Variants in ADGRL3 observed in about 807,000 individuals in gnomAD.
The protein encoded by ADGRL3 is calcium-independent alpha-latrotoxin receptor 3.
Under a neutral mutation model 153.5 loss-of-function variants are expected in ADGRL3, and 62 were observed. The observed-to-expected ratio is 0.40, with a 90% CI of 0.33 to 0.50. The LOEUF is 0.50. Ranked by LOEUF, ADGRL3 falls within the 20% of genes least tolerant of loss-of-function variation. The pLI is 0.47. For synonymous variants in ADGRL3, 710 were observed against 672.5 expected, an observed-to-expected ratio of 1.06 and a Z score of -0.86; for missense variants, 1,641 against 1,859.4, an observed-to-expected ratio of 0.88 and a Z score of 2.16.
intron 7 of ADGRL3, among the ~76,000 whole-genome samples, chr4:61,730,963 G>A (rs538520874): frequency 6.6e-6 from 1 of 151,854 alleles, no homozygotes; most frequent in Non-Finnish European, 1.5e-5. Flanking sequence ...CATAGCTCTG[G>A]CATGGTTTCC....
At chr4:61,317,544 C>T (rs1340438361) in intron 1 of ADGRL3, among the ~76,000 whole-genome samples, 1 of 152,120 alleles carries the variant, frequency 6.6e-6, no homozygotes, top group Non-Finnish European at 1.5e-5. Flanking sequence ...ATTTCTTTCT[C>T]CTTCTTGTGT....
rs113254082 is a variant in ADGRL3, at chr4:61,608,349, T to G, written c.473+20909T>G. On this transcript the variant is annotated intron_variant, in intron 5 of 26. Coordinates refer to ENST00000683033, the MANE Select transcript of ADGRL3 (RefSeq NM_001387552.1). ...AGCATAAACACTGTTCATATTAATT[T>G]ACTGTAAAATGCTAAAGACTATTTC... is the stretch of plus-strand genomic sequence containing the variant. Among the ~76,000 whole-genome samples, 14 of 152,352 alleles carry G rather than the reference T, an allele frequency of 9.2e-5. 1 individual carries two copies. Among genetic ancestry groups the G allele is most frequent in the African/African-American group, 3.1e-4 (13 of 41,586 alleles).
intron 8 of ADGRL3, among the ~76,000 whole-genome samples, chr4:61,793,247 AC>A (rs2097366458): frequency 6.6e-6 from 1 of 151,934 alleles, no homozygotes; most frequent in East Asian, 1.9e-4. Flanking sequence ...ACATGGTGAA[AC>A]CCCGTCTCTA....
chr4:61,566,286 A>C (rs2149056618), intron 4 of ADGRL3, among the ~76,000 whole-genome samples: 1 of 152,248 alleles, frequency 6.6e-6, no homozygotes, highest in East Asian at 1.9e-4. Context: ...GTCTGTGTCG[A>C]GATTTCCCCA....
At chr4:61,896,248 G>T (rs1206369352) in intron 11 of ADGRL3, among the ~76,000 whole-genome samples, 2 of 151,278 alleles carry the variant, frequency 1.3e-5, no homozygotes, top group Non-Finnish European at 2.9e-5. Flanking sequence ...ATTTATCAAT[G>T]ATAAAAATAT....
In ADGRL3 at chr4:61,360,903, G is replaced by T. The variant is rs1439693753; in HGVS notation, c.-239-22221G>T. Among the ~76,000 whole-genome samples, 4 of 152,172 alleles carry T rather than the reference G, an allele frequency of 2.6e-5. No homozygotes were observed. In the East Asian group the frequency reaches 7.7e-4, roughly 29 times the overall value. Reference sequence around the variant, plus strand: ...ACATTCTTTAAGTAAGCATGTGTCTGTGTTGTCTCACTTAGTCTTCAAAAC... The same window carrying T: ...ACATTCTTTAAGTAAGCATGTGTCTTTGTTGTCTCACTTAGTCTTCAAAAC... On this transcript the variant is annotated intron_variant, in intron 1 of 26. Coordinates refer to ENST00000683033, the MANE Select transcript of ADGRL3 (RefSeq NM_001387552.1).
chr4:61,655,076 G>T (rs559793321), intron 5 of ADGRL3, among the ~76,000 whole-genome samples: 18 of 152,126 alleles, frequency 1.2e-4, no homozygotes, highest in South Asian at 8.3e-4. Context: ...ACTATCAGCT[G>T]TATTAAAATA....
chr4:61,797,835 T>G (rs1294985940), intron 8 of ADGRL3, among the ~76,000 whole-genome samples: 1 of 152,200 alleles, frequency 6.6e-6, no homozygotes, highest in Non-Finnish European at 1.5e-5. Context: ...AGGATCTATG[T>G]CATTATCAAT....
In ADGRL3 at chr4:62,044,519, G is replaced by A. The variant is rs760999400; in HGVS notation, c.3784G>A (p.Asp1262Asn). The A allele has an allele frequency of 5.0e-6, 8 of 1,594,522 alleles. No homozygotes were observed. In the South Asian group the frequency reaches 9.1e-5, roughly 18 times the overall value. Residue 1262 changes from aspartate to asparagine, a missense_variant, in exon 25 of 27, where the codon GAC becomes AAC. Coordinates refer to ENST00000683033, the MANE Select transcript of ADGRL3 (RefSeq NM_001387552.1). ...GTCAGAGTCTTCCTTTATTACTGGA[G>A]ACATAAACAGTTCAGCGTCACTCAA... Reference protein sequence around the residue: ...KQSESSFITGDINSSASLNRE... With the variant: ...KQSESSFITGNINSSASLNRE...
intron 5 of ADGRL3, among the ~76,000 whole-genome samples, chr4:61,645,299 T>G (rs1477524483): frequency 2.0e-5 from 3 of 151,910 alleles, no homozygotes; most frequent in East Asian, 1.9e-4. Context: ...AAAGTTAATA[T>G]TGTTATGTGT....
intron 2 of ADGRL3, among the ~76,000 whole-genome samples, chr4:61,412,007 G>T (rs1024580205): frequency 6.6e-6 from 1 of 152,088 alleles, no homozygotes; most frequent in Non-Finnish European, 1.5e-5. Context: ...TTGAATTCTG[G>T]ATATTACATC....
intron 15 of ADGRL3, among the ~76,000 whole-genome samples, chr4:61,937,216 A>G (rs1009988249): frequency 6.6e-6 from 1 of 152,024 alleles, no homozygotes; most frequent in African/African-American, 2.4e-5. Context: ...TTGACCTCCA[A>G]TTACACTTAG....
intron 12 of ADGRL3, among the ~76,000 whole-genome samples, chr4:61,910,884 G>C (rs1361436959): frequency 2.0e-5 from 1 of 50,774 alleles, no homozygotes; most frequent in Admixed American, 3.2e-4. Flanking sequence ...ATTTTATCTG[G>C]CAAACAGTTT....
At chr4:61,517,053 A>T (rs1357743664) in intron 3 of ADGRL3, among the ~76,000 whole-genome samples, 1 of 151,232 alleles carries the variant, frequency 6.6e-6, no homozygotes, top group Non-Finnish European at 1.5e-5. Flanking sequence ...TAATTTTCTA[A>T]TCATTATTAG....
At chr4:61,925,473 G>T (rs564827481) in intron 13 of ADGRL3, among the ~76,000 whole-genome samples, 3 of 152,202 alleles carry the variant, frequency 2.0e-5, no homozygotes, top group Non-Finnish European at 4.4e-5. Context: ...CTGAGCCTGG[G>T]TAATTTATAA....
intron 9 of ADGRL3, among the ~76,000 whole-genome samples, chr4:61,839,903 T>C (rs1411173650): frequency 2.6e-5 from 4 of 151,572 alleles, no homozygotes; most frequent in Non-Finnish European, 5.9e-5. Flanking sequence ...GGAGCCATGA[T>C]TAGGCTATAG....
chr4:61,323,701 T>C (rs2095410648), intron 1 of ADGRL3, among the ~76,000 whole-genome samples: 1 of 152,192 alleles, frequency 6.6e-6, no homozygotes, highest in African/African-American at 2.4e-5. Flanking sequence ...CTTATATCAC[T>C]ATCAGCATTT....
intron 1 of ADGRL3, among the ~76,000 whole-genome samples, chr4:61,331,365 G>A (rs1447995711): frequency 6.6e-6 from 1 of 151,958 alleles, no homozygotes; most frequent in African/African-American, 2.4e-5. Context: ...CAACAATATT[G>A]GGATGTCAAT....
intron 8 of ADGRL3, among the ~76,000 whole-genome samples, chr4:61,756,253 A>G (rs1170972508): frequency 1.3e-5 from 2 of 152,186 alleles, no homozygotes; most frequent in Non-Finnish European, 2.9e-5. Context: ...ACCCATGAGC[A>G]TGGAATGTTC....
Sources: gnomAD v4.1 joint callset for allele counts (sites outside exome capture counted in the v4.1 genomes callset) on GRCh38, gnomAD v4.1.1 for gene constraint, MANE v1.5 for transcripts, NCBI Gene and HGNC (gene_info 2026-07-23, HGNC 2026-07-21) for gene names.